KIAA1217: variants seen among roughly 807,000 people sequenced by gnomAD.
The protein encoded by KIAA1217 is sickle tail protein homolog.
In KIAA1217, 88 loss-of-function variants were observed where a neutral mutation model predicts 163.9. That is an observed-to-expected ratio of 0.54 (90% CI 0.45 to 0.64). The LOEUF (loss-of-function observed/expected upper bound fraction) is 0.64, where lower values mean the gene tolerates loss of function less well. Among genes scored for constraint, KIAA1217 ranks in the 30% least tolerant of loss-of-function variants. The pLI is 0.00. For missense variants in KIAA1217, 2,372 were observed against 2,475.0 expected (o/e 0.96, Z 0.88); for synonymous variants, 903 against 923.1 (o/e 0.98, Z 0.39).
At chr10:24,369,650 A>C (rs1453622600) in intron 2 of KIAA1217, among the ~76,000 whole-genome samples, 1 of 152,178 alleles carries the variant, frequency 6.6e-6, no homozygotes, top group African/African-American at 2.4e-5. Context: ...GCCTTCTAAG[A>C]TGTGTACTTA....
intron 1 of KIAA1217, among the ~76,000 whole-genome samples, chr10:23,728,312 C>T (rs1282823192): frequency 6.6e-6 from 1 of 152,150 alleles, no homozygotes; most frequent in Non-Finnish European, 1.5e-5. Context: ...TTCTCCACAT[C>T]CTCTCCAGCA....
chr10:24,090,104 C>T (rs73604451), intron 2 of KIAA1217, among the ~76,000 whole-genome samples: 5,705 of 150,912 alleles, frequency 0.038, 504 homozygotes, highest in African/African-American at 0.13. Flanking sequence ...AGATCCTGCT[C>T]AGTTGCTGGA....
intron 2 of KIAA1217, among the ~76,000 whole-genome samples, chr10:24,267,375 A>G (rs575056508): frequency 7.2e-5 from 11 of 152,352 alleles, no homozygotes; most frequent in Admixed American, 7.2e-4. Context: ...ACAGAAACCC[A>G]GAAGAGGAAA....
At chr10:24,219,088 A>C (rs2069229569) in intron 1 of KIAA1217, among the ~76,000 whole-genome samples, 1 of 152,186 alleles carries the variant, frequency 6.6e-6, no homozygotes, top group Admixed American at 6.5e-5. Flanking sequence ...CAAGTAGCCT[A>C]ACCAAGTGTT....
chr10:24,500,333 G>A (rs1002273047), intron 8 of KIAA1217, among the ~76,000 whole-genome samples: 8 of 147,474 alleles, frequency 5.4e-5, no homozygotes, highest in East Asian at 2.0e-4. Context: ...GTGTGCATGC[G>A]TGTGTGTGTG....
At chr10:24,451,029 G>T (rs1302271260) in intron 5 of KIAA1217, among the ~76,000 whole-genome samples, 2 of 151,982 alleles carry the variant, frequency 1.3e-5, no homozygotes, top group African/African-American at 4.8e-5. Context: ...GTATCACACT[G>T]GTTGTTTATC....
At chr10:23,820,795 G>A (rs1284071447) in intron 1 of KIAA1217, among the ~76,000 whole-genome samples, 1 of 152,156 alleles carries the variant, frequency 6.6e-6, no homozygotes, top group African/African-American at 2.4e-5. Flanking sequence ...TATGCCCAGT[G>A]TTTGTTTGGA....
At chr10:24,031,989 AT>A (rs1371314985) in intron 2 of KIAA1217, among the ~76,000 whole-genome samples, 3 of 152,212 alleles carry the variant, frequency 2.0e-5, no homozygotes, top group African/African-American at 7.2e-5. Flanking sequence ...AAGGATTTCT[AT>A]AGGTAGCTCA....
chr10:24,420,046 C>T (rs2058605204), intron 3 of KIAA1217, among the ~76,000 whole-genome samples: 1 of 151,846 alleles, frequency 6.6e-6, no homozygotes, highest in Non-Finnish European at 1.5e-5. Flanking sequence ...GAACAAGTGT[C>T]CACATGTGAG....
At chr10:24,502,265 T>A (rs951822787) in intron 9 of KIAA1217, among the ~76,000 whole-genome samples, 1 of 149,656 alleles carries the variant, frequency 6.7e-6, no homozygotes, top group Non-Finnish European at 1.5e-5. Context: ...TTTTTTTCAT[T>A]TTTTTTGCAA....
chr10:23,789,586 T>A (rs1349275134), intron 1 of KIAA1217, among the ~76,000 whole-genome samples: 2 of 152,104 alleles, frequency 1.3e-5, no homozygotes, highest in Non-Finnish European at 2.9e-5. Flanking sequence ...AGTGAAGCCT[T>A]GGCAAGATAC....
intron 1 of KIAA1217, among the ~76,000 whole-genome samples, chr10:23,827,332 C>A (rs533775279): frequency 5.3e-5 from 8 of 152,314 alleles, no homozygotes; most frequent in Middle Eastern, 3.4e-3. Flanking sequence ...GGCTCTGTGG[C>A]AGGCTGATAG....
intron 1 of KIAA1217, among the ~76,000 whole-genome samples, chr10:23,723,416 A>G (rs1274999765): frequency 2.6e-5 from 4 of 152,148 alleles, no homozygotes; most frequent in Non-Finnish European, 5.9e-5. Flanking sequence ...TGAAAAAAAA[A>G]TCACCTTATT....
chr10:23,844,019 T>C (rs1838907912), intron 1 of KIAA1217, among the ~76,000 whole-genome samples: 1 of 152,182 alleles, frequency 6.6e-6, no homozygotes, highest in African/African-American at 2.4e-5. Flanking sequence ...CCATTATATG[T>C]TGGCATGGGG....
chr10:24,063,874 T>G (rs951384811), intron 2 of KIAA1217, among the ~76,000 whole-genome samples: 2 of 152,222 alleles, frequency 1.3e-5, no homozygotes, highest in African/African-American at 4.8e-5. Context: ...GTAAGTTGGA[T>G]TCCTAGGTAT....
intron 2 of KIAA1217, among the ~76,000 whole-genome samples, chr10:24,129,120 C>T (rs1012348203): frequency 6.6e-6 from 1 of 152,170 alleles, no homozygotes; most frequent in Non-Finnish European, 1.5e-5. Flanking sequence ...AGGTACTAAC[C>T]TCCTACTATG....
intron 1 of KIAA1217, among the ~76,000 whole-genome samples, chr10:23,857,963 A>T (rs896477486): frequency 6.6e-6 from 1 of 151,982 alleles, no homozygotes; most frequent in Non-Finnish European, 1.5e-5. Context: ...GGTTAAAAAA[A>T]AAAAAGAGGG....
At chr10:24,454,894 C>A (rs902176135) in intron 5 of KIAA1217, among the ~76,000 whole-genome samples, 2 of 151,412 alleles carry the variant, frequency 1.3e-5, no homozygotes, top group Admixed American at 1.3e-4. Flanking sequence ...CACTGCAACA[C>A]AACTCGCTCA....
intron 4 of KIAA1217, among the ~76,000 whole-genome samples, chr10:24,435,693 C>T (rs957357211): frequency 1.3e-5 from 2 of 151,390 alleles, no homozygotes; most frequent in Non-Finnish European, 2.9e-5. Flanking sequence ...TTGGGAAAGT[C>T]GAGAAGTAGT....
Sources: gnomAD v4.1 joint callset for allele counts (sites outside exome capture counted in the v4.1 genomes callset) on GRCh38, gnomAD v4.1.1 for gene constraint, MANE v1.5 for transcripts, NCBI Gene and HGNC (gene_info 2026-07-23, HGNC 2026-07-21) for gene names.